PPM1H: variants seen among roughly 807,000 people sequenced by gnomAD.
PPM1H encodes protein phosphatase 1H.
In PPM1H, 27 loss-of-function variants were observed where a neutral mutation model predicts 54.9. The ratio of observed to expected loss-of-function variants is 0.49; its 90% CI spans 0.36 to 0.68. PPM1H has a LOEUF of 0.68. PPM1H is among the 30% of genes least tolerant of loss of function. PPM1H has a pLI of 0.00. For synonymous variants in PPM1H, 305 were observed against 270.8 expected (o/e 1.13, Z -1.24); for missense variants, 596 against 667.8 (o/e 0.89, Z 1.19).
In PPM1H at chr12:62,644,199, C is replaced by T. The variant is rs745634009; in HGVS notation, c.*4290G>A. On this transcript the variant is annotated 3_prime_UTR_variant, in exon 10 of 10. Transcript: ENST00000228705. Reference sequence around the variant, plus strand: ...AAGGTACATGGTTCTGAAACAATTTCCAGGCAGATTTCTCTCATTCACTGT... The same window carrying T: ...AAGGTACATGGTTCTGAAACAATTTTCAGGCAGATTTCTCTCATTCACTGT... 29 of 152,088 alleles carry T rather than the reference C, an allele frequency of 1.9e-4. No homozygotes were observed. The highest frequency in any genetic ancestry group is 2.7e-4 in the African/African-American group (11 of 41,408). 9.4% of individuals were successfully genotyped at this position (152,088 alleles called of 1,614,324 possible). A position where few individuals can be genotyped will look rare whatever the true frequency, so the allele number is the denominator to read the frequency against.
intron 8 of PPM1H, among the ~76,000 whole-genome samples, chr12:62,672,641 G>A (rs2075963080): frequency 6.6e-6 from 1 of 152,182 alleles, no homozygotes; most frequent in South Asian, 2.1e-4. Context: ...AACTCCTTTA[G>A]GGATAAGGTC....
chr12:62,727,817 T>C (rs1335359062), intron 5 of PPM1H, among the ~76,000 whole-genome samples: 2 of 151,782 alleles, frequency 1.3e-5, no homozygotes, highest in Non-Finnish European at 2.9e-5. Context: ...TGCGCCACCA[T>C]GCCCGGCTAA....
chr12:62,829,508 A>T (rs529121743), intron 2 of PPM1H, among the ~76,000 whole-genome samples: 1 of 152,212 alleles, frequency 6.6e-6, no homozygotes, highest in African/African-American at 2.4e-5. Flanking sequence ...TGTTATGTAC[A>T]TTTTACCACA....
chr12:62,797,889 C>T (rs527304836), intron 3 of PPM1H, among the ~76,000 whole-genome samples: 1 of 152,258 alleles, frequency 6.6e-6, no homozygotes, highest in South Asian at 2.1e-4. Flanking sequence ...CAAAGAAGGT[C>T]ACATCTGAGA....
chr12:62,861,326 A>G (rs1869595095), intron 1 of PPM1H, among the ~76,000 whole-genome samples: 1 of 152,214 alleles, frequency 6.6e-6, no homozygotes, highest in Non-Finnish European at 1.5e-5. Context: ...AGGAAGCACT[A>G]AAATTAAACA....
At chr12:62,654,869 C>T (rs993658758) in intron 9 of PPM1H, among the ~76,000 whole-genome samples, 8 of 152,182 alleles carry the variant, frequency 5.3e-5, no homozygotes, top group South Asian at 2.1e-4. Context: ...AGGACAGCCC[C>T]GCCTGAGGGA....
chr12:62,658,422 C>T (rs991260757), intron 9 of PPM1H, among the ~76,000 whole-genome samples: 4 of 151,964 alleles, frequency 2.6e-5, no homozygotes, highest in Non-Finnish European at 5.9e-5. Flanking sequence ...AAATGGTAAG[C>T]GTCTTCTTCT....
intron 1 of PPM1H, among the ~76,000 whole-genome samples, chr12:62,873,318 T>C (rs1870052745): frequency 6.6e-6 from 1 of 152,250 alleles, no homozygotes; most frequent in South Asian, 2.1e-4. Context: ...TGGCACCTGC[T>C]CTGTCTCCAA....
At chr12:62,681,440 T>C (rs1431748545) in intron 8 of PPM1H, among the ~76,000 whole-genome samples, 1 of 152,158 alleles carries the variant, frequency 6.6e-6, no homozygotes, top group Non-Finnish European at 1.5e-5. Context: ...CCATCTCCCA[T>C]GGTTACGGCT....
chr12:62,770,085 T>C (rs1329613832), intron 4 of PPM1H, among the ~76,000 whole-genome samples: 1 of 152,110 alleles, frequency 6.6e-6, no homozygotes, highest in Admixed American at 6.5e-5. Context: ...CAGCTTTTTT[T>C]TTTTTTCCTT....
chr12:62,707,980 C>T (rs1026777935), intron 6 of PPM1H, among the ~76,000 whole-genome samples: 3 of 152,228 alleles, frequency 2.0e-5, no homozygotes, highest in Non-Finnish European at 2.9e-5. Flanking sequence ...CAGAATACTA[C>T]AGCTTTTGCC....
intron 4 of PPM1H, among the ~76,000 whole-genome samples, chr12:62,762,169 G>A (rs1305931493): frequency 2.0e-5 from 3 of 152,218 alleles, no homozygotes; most frequent in African/African-American, 4.8e-5. Flanking sequence ...CCTTAGAGAG[G>A]TTTCTGTCTT....
chr12:62,933,399 G>A (rs1473677194), intron 1 of PPM1H, among the ~76,000 whole-genome samples: 2 of 152,102 alleles, frequency 1.3e-5, no homozygotes, highest in Admixed American at 1.3e-4. Flanking sequence ...AGGCGCCCAG[G>A]CATTGGAAGA....
intron 6 of PPM1H, among the ~76,000 whole-genome samples, chr12:62,703,377 CTTT>C (rs74743665): frequency 1.5e-5 from 2 of 136,820 alleles, no homozygotes; most frequent in Admixed American, 1.5e-4. Context: ...AAAAGGAGCC[CTTT>C]TTTTTTTTTT....
At chr12:62,785,468 C>T (rs11174649) in intron 4 of PPM1H, among the ~76,000 whole-genome samples, 9,718 of 152,308 alleles carry the variant, frequency 0.064, 410 homozygotes, top group Middle Eastern at 0.11. Context: ...TGAACCACCA[C>T]GCCCGGCCAA....
chr12:62,881,760 C>T (rs2100173), intron 1 of PPM1H, among the ~76,000 whole-genome samples: 4,411 of 152,276 alleles, frequency 0.029, 244 homozygotes, highest in African/African-American at 0.1. Flanking sequence ...TTCTCTGATT[C>T]AATCCCTCCT....
chr12:62,697,856 G>A (rs953208810), intron 6 of PPM1H, among the ~76,000 whole-genome samples: 2 of 151,944 alleles, frequency 1.3e-5, no homozygotes, highest in African/African-American at 4.8e-5. Flanking sequence ...TTACGAGATA[G>A]CAAAACTGAA....
rs187866078 is a variant in PPM1H at position 62,886,983 on chromosome 12, G to A, written c.245+47509C>T. On this transcript the variant is annotated intron_variant, in intron 1 of 9. Transcript: ENST00000228705. The stretch of plus-strand genomic sequence containing the variant: ...TGCCTACCTAAAAGTGGCTATCTAA[G>A]CCAGAAATGAGGAAGCACTGCTGTA... Among the ~76,000 whole-genome samples the A allele has an allele frequency of 4.2e-3, 641 of 152,324 alleles. 7 individuals are homozygous for A. The highest frequency in any genetic ancestry group is 0.015 in the African/African-American group (618 of 41,576).
chr12:62,831,817 A>G (rs186386734), intron 2 of PPM1H, among the ~76,000 whole-genome samples: 16 of 150,880 alleles, frequency 1.1e-4, no homozygotes, highest in African/African-American at 2.2e-4. Flanking sequence ...ATATATGTGT[A>G]TATATATATA....
Sources: gnomAD v4.1 joint callset for allele counts (sites outside exome capture counted in the v4.1 genomes callset) on GRCh38, gnomAD v4.1.1 for gene constraint, MANE v1.5 for transcripts, NCBI Gene and HGNC (gene_info 2026-07-23, HGNC 2026-07-21) for gene names.